TRIM44: variants seen among roughly 807,000 people sequenced by gnomAD.
The protein encoded by TRIM44 is tripartite motif-containing protein 44.
Under a neutral mutation model 37.4 loss-of-function variants are expected in TRIM44, and 13 were observed. The ratio of observed to expected loss-of-function variants is 0.35; its 90% CI spans 0.23 to 0.55. The LOEUF (loss-of-function observed/expected upper bound fraction) is 0.55, where lower values mean the gene tolerates loss of function less well. TRIM44 is among the 20% of genes least tolerant of loss of function. The pLI is 0.89. For missense variants in TRIM44, 426 were observed against 437.2 expected (o/e 0.97, Z 0.23); for synonymous variants, 175 against 157.2 (o/e 1.11, Z -0.85).
chr11:35,778,034 A>G (rs1035458346), intron 4 of TRIM44, among the ~76,000 whole-genome samples: 8 of 152,184 alleles, frequency 5.3e-5, no homozygotes, highest in Admixed American at 2.0e-4. Flanking sequence ...TCTCCTGGAT[A>G]AAATCCTGAA....
intron 4 of TRIM44, among the ~76,000 whole-genome samples, chr11:35,775,286 A>G (rs191421486): frequency 6.6e-6 from 1 of 152,272 alleles, no homozygotes; most frequent in East Asian, 1.9e-4. Flanking sequence ...TTATTGGTGT[A>G]TAGGGATGCT....
chr11:35,722,959 T>C (rs1852126638), intron 2 of TRIM44, among the ~76,000 whole-genome samples: 1 of 152,186 alleles, frequency 6.6e-6, no homozygotes, highest in Admixed American at 6.6e-5. Context: ...TCAGTTCATC[T>C]CAGCAATACT....
chr11:35,729,143 A>G (rs758981754), intron 3 of TRIM44, among the ~76,000 whole-genome samples: 4 of 152,038 alleles, frequency 2.6e-5, no homozygotes, highest in Non-Finnish European at 2.9e-5. Context: ...TGGGTGTTCT[A>G]CAAACTGGAA....
intron 4 of TRIM44, among the ~76,000 whole-genome samples, chr11:35,748,520 C>A (rs1034047898): frequency 6.6e-6 from 1 of 152,162 alleles, no homozygotes; most frequent in African/African-American, 2.4e-5. Context: ...AGTACCTTGA[C>A]CAAGGTCATA....
At chr11:35,747,938 A>G (rs1564995764) in intron 4 of TRIM44, among the ~76,000 whole-genome samples, 1 of 152,016 alleles carries the variant, frequency 6.6e-6, no homozygotes, top group Non-Finnish European at 1.5e-5. Context: ...AAACTTAGCA[A>G]TTACCGGCAA....
At chr11:35,712,090 C>T (rs965000059) in intron 2 of TRIM44, among the ~76,000 whole-genome samples, 1 of 152,188 alleles carries the variant, frequency 6.6e-6, no homozygotes, top group Non-Finnish European at 1.5e-5. Flanking sequence ...TTGGCTCACT[C>T]ACTCTGTGAG....
rs1484582270 is a variant in TRIM44 at position 35,782,905 on chromosome 11, A to C, written c.1008-23453A>C. On this transcript the variant is annotated intron_variant, in intron 4 of 4. Coordinates refer to ENST00000299413, the MANE Select transcript of TRIM44 (RefSeq NM_017583.6). ...TAATTTCATTTGCCTCCTTATAATA[A>C]GTTTGTGAGGTAGAAAGAGTGGGTG... Among the ~76,000 whole-genome samples the C allele has an allele frequency of 2.6e-5, 4 of 152,212 alleles. No individual in the cohort carries two copies. In the East Asian group the frequency reaches 7.7e-4, roughly 29 times the overall value.
chr11:35,749,248 T>G (rs1229017138), intron 4 of TRIM44, among the ~76,000 whole-genome samples: 1 of 152,180 alleles, frequency 6.6e-6, no homozygotes, highest in African/African-American at 2.4e-5. Flanking sequence ...TAAGAAAAGG[T>G]AAAGGAAGGT....
rs554058714 is a variant in TRIM44, at chr11:35,817,960, C to G, written c.*11575C>G. The G allele has an allele frequency of 3.3e-5, 5 of 152,254 alleles. No individual in the cohort carries two copies. In the East Asian group the frequency reaches 5.8e-4, roughly 18 times the overall value. 9.4% of individuals were successfully genotyped at this position (152,254 alleles called of 1,614,324 possible). ...TGAGCAGATGCCAGCATCATGCTTG[C>G]TGTGCAGCCTGCAGAACTGTGAGCC... On this transcript the variant is annotated 3_prime_UTR_variant, in exon 5 of 5. Transcript: ENST00000299413.
intron 4 of TRIM44, among the ~76,000 whole-genome samples, chr11:35,738,632 C>T (rs933295431): frequency 1.1e-4 from 17 of 152,142 alleles, no homozygotes; most frequent in Admixed American, 2.6e-4. Flanking sequence ...GGCAAATTGC[C>T]TTTGATCTGA....
rs115934263 is a variant in TRIM44, at chr11:35,743,881, T to C, written c.1007+8436T>C. Among the ~76,000 whole-genome samples the C allele has an allele frequency of 4.2e-3, 644 of 152,328 alleles. 7 individuals are homozygous for C. The highest frequency in any genetic ancestry group is 0.015 in the African/African-American group (612 of 41,576). ...GGTGCCCTTTCCTCAAGATGCCTAA[T>C]TCCATCTGCCAAAAAATTGTCGTAA... On this transcript the variant is annotated intron_variant, in intron 4 of 4. Coordinates refer to ENST00000299413, the MANE Select transcript of TRIM44 (RefSeq NM_017583.6).
At chr11:35,673,790 G>A (rs888116441) in intron 1 of TRIM44, among the ~76,000 whole-genome samples, 5 of 152,060 alleles carry the variant, frequency 3.3e-5, no homozygotes, top group Admixed American at 2.0e-4. Context: ...CTCCTCTGGT[G>A]ATAAAGGACT....
At chr11:35,711,857 G>T (rs1851978841) in intron 2 of TRIM44, among the ~76,000 whole-genome samples, 1 of 152,106 alleles carries the variant, frequency 6.6e-6, no homozygotes, top group African/African-American at 2.4e-5. Flanking sequence ...GGTACGTGAG[G>T]GCACCTTCCT....
intron 3 of TRIM44, among the ~76,000 whole-genome samples, chr11:35,730,536 ATCAGAG>A (rs1466034896): frequency 6.6e-6 from 1 of 152,208 alleles, no homozygotes; most frequent in Admixed American, 6.5e-5. Context: ...AGCCAGACAC[ATCAGAG>A]TCAAACTTCT....
At chr11:35,683,605 A>G (rs1851543112) in intron 1 of TRIM44, among the ~76,000 whole-genome samples, 1 of 152,066 alleles carries the variant, frequency 6.6e-6, no homozygotes, top group Non-Finnish European at 1.5e-5. Context: ...TGTTGTCCCT[A>G]CCCCATAGAA....
intron 4 of TRIM44, among the ~76,000 whole-genome samples, chr11:35,781,918 T>A (rs1337132649): frequency 6.6e-6 from 1 of 152,226 alleles, no homozygotes; most frequent in Non-Finnish European, 1.5e-5. Context: ...TAAAAGTGAA[T>A]GATAAGGCCA....
intron 4 of TRIM44, among the ~76,000 whole-genome samples, chr11:35,749,372 A>C (rs146648564): frequency 3.3e-5 from 5 of 152,312 alleles, no homozygotes; most frequent in African/African-American, 1.2e-4. Context: ...AAGATATACA[A>C]AAGATAGAAT....
intron 4 of TRIM44, among the ~76,000 whole-genome samples, chr11:35,793,948 G>A (rs1471358274): frequency 1.3e-5 from 2 of 152,210 alleles, no homozygotes; most frequent in Admixed American, 1.3e-4. Flanking sequence ...TTAGTTCAGT[G>A]TCTAGCAAGT....
intron 1 of TRIM44, among the ~76,000 whole-genome samples, chr11:35,668,863 CGTTT>C (rs1851361092): frequency 6.6e-6 from 1 of 152,050 alleles, no homozygotes; most frequent in East Asian, 1.9e-4. Flanking sequence ...TTTTCTCAGA[CGTTT>C]GTCCATTTTA....
Sources: gnomAD v4.1 joint callset for allele counts (sites outside exome capture counted in the v4.1 genomes callset) on GRCh38, gnomAD v4.1.1 for gene constraint, MANE v1.5 for transcripts, NCBI Gene and HGNC (gene_info 2026-07-23, HGNC 2026-07-21) for gene names.